The following LYPD6 variants were observed in gnomAD, a reference collection of about 807,000 sequenced individuals.
LYPD6 encodes the protein ly6/PLAUR domain-containing protein 6.
LYPD6 carries 15 observed loss-of-function variants against 22.7 expected under a neutral mutation model. The ratio of observed to expected loss-of-function variants is 0.66; its 90% CI spans 0.44 to 1.02. The LOEUF (loss-of-function observed/expected upper bound fraction) is 1.02. LYPD6 is among the 50% of genes least tolerant of loss of function. LYPD6 has a pLI of 0.00. For missense variants in LYPD6, 189 were observed against 208.4 expected, an observed-to-expected ratio of 0.91 and a Z score of 0.57; for synonymous variants, 72 against 77.5, an observed-to-expected ratio of 0.93 and a Z score of 0.37.
At chr2:149,443,472 T>A (rs56158363) in intron 2 of LYPD6, among the ~76,000 whole-genome samples, 43,660 of 152,066 alleles carry the variant, frequency 0.29, 7,992 homozygotes, top group African/African-American at 0.53. Flanking sequence ...TGAGAAATGC[T>A]GTTCTCTGAC....
intron 3 of LYPD6, among the ~76,000 whole-genome samples, chr2:149,465,731 C>T (rs958248589): frequency 1.3e-5 from 2 of 152,162 alleles, no homozygotes; most frequent in African/African-American, 4.8e-5. Flanking sequence ...ACTTTCAGAA[C>T]GAGATTATGA....
intron 1 of LYPD6, among the ~76,000 whole-genome samples, chr2:149,385,018 T>C (rs1573760096): frequency 6.6e-6 from 1 of 152,108 alleles, no homozygotes; most frequent in African/African-American, 2.4e-5. Flanking sequence ...CTGAGAATGA[T>C]GATTTCCAAT....
chr2:149,446,710 A>T (rs1016637851), intron 2 of LYPD6, among the ~76,000 whole-genome samples: 14 of 152,186 alleles, frequency 9.2e-5, no homozygotes, highest in African/African-American at 2.9e-4. Flanking sequence ...GAGAGAGAGC[A>T]CGCAGATGGG....
chr2:149,352,729 C>T (rs2105060320), intron 1 of LYPD6, among the ~76,000 whole-genome samples: 1 of 152,244 alleles, frequency 6.6e-6, no homozygotes. Flanking sequence ...ATCACTTGTC[C>T]CTCAAAGCCT....
chr2:149,352,151 A>G (rs377315192), intron 1 of LYPD6, among the ~76,000 whole-genome samples: 35 of 152,098 alleles, frequency 2.3e-4, no homozygotes, highest in African/African-American at 8.2e-4. Context: ...GTGTACATGG[A>G]AGAAGAAAAC....
chr2:149,376,397 T>A (rs1213324173), intron 1 of LYPD6, among the ~76,000 whole-genome samples: 1 of 152,168 alleles, frequency 6.6e-6, no homozygotes, highest in Non-Finnish European at 1.5e-5. Context: ...AGAACATTTT[T>A]TTTTTCCATT....
chr2:149,403,929 C>A (rs1682626589), intron 1 of LYPD6, among the ~76,000 whole-genome samples: 2 of 152,148 alleles, frequency 1.3e-5, no homozygotes, highest in South Asian at 4.1e-4. Flanking sequence ...AGGAAGGGAT[C>A]CAGTTTCAGC....
the LYPD6 span, among the ~76,000 whole-genome samples, chr2:149,483,316 A>G: frequency 6.6e-6 from 1 of 152,224 alleles, no homozygotes; most frequent in Non-Finnish European, 1.5e-5. Flanking sequence ...CTGGAGGAAA[A>G]AAAGATGCTG....
chr2:149,442,318 A>G (rs1683586506), intron 2 of LYPD6, among the ~76,000 whole-genome samples: 1 of 152,202 alleles, frequency 6.6e-6, no homozygotes, highest in South Asian at 2.1e-4. Context: ...GATGGAAACA[A>G]AGACTAAATC....
chr2:149,412,125 G>T (rs1227075562), intron 1 of LYPD6, among the ~76,000 whole-genome samples: 1 of 152,004 alleles, frequency 6.6e-6, no homozygotes, highest in Non-Finnish European at 1.5e-5. Context: ...ATGGAATTTT[G>T]GGATTAAAGA....
chr2:149,415,259 G>C (rs1017165999), intron 1 of LYPD6, among the ~76,000 whole-genome samples: 2 of 152,156 alleles, frequency 1.3e-5, no homozygotes, highest in African/African-American at 4.8e-5. Context: ...AACAAATAGG[G>C]AAAGCAGGGC....
rs1292559013 is a variant in LYPD6 at position 149,394,070 on chromosome 2, C to T, written c.-71-43568C>T. ...ATTCGGTCATTAGCTTACACTGTCA[C>T]GTTTCTAGCTGAATGGCAAGAGGAC... is the stretch of plus-strand genomic sequence containing the variant. On this transcript the variant is annotated intron_variant, in intron 1 of 4. Transcript: ENST00000334166. 2.6e-5 allele frequency among the ~76,000 whole-genome samples: 4 copies of T among 152,192 alleles called. No homozygotes were observed. In the East Asian group the frequency reaches 7.7e-4, roughly 29 times the overall value.
chr2:149,408,442 G>A (rs1432655605), intron 1 of LYPD6, among the ~76,000 whole-genome samples: 1 of 152,106 alleles, frequency 6.6e-6, no homozygotes, highest in African/African-American at 2.4e-5. Flanking sequence ...TCTTCTATTT[G>A]AATATCTAGA....
chr2:149,449,162 G>A lies in LYPD6; in HGVS notation c.217+15G>A, dbSNP rs376546983. 7 of 1,592,660 alleles carry A rather than the reference G, an allele frequency of 4.4e-6. No individual in the cohort carries two copies. The highest frequency in any genetic ancestry group is 2.2e-5 in the East Asian group (1 of 44,596). On this transcript the variant is annotated intron_variant, in intron 3 of 4. Transcript: ENST00000334166. ...CTGCCCTCGAGGTAAACTCTCAGTA[G>A]ACTGATTGGGGTCCCCTGGGCTGTC...
intron 1 of LYPD6, among the ~76,000 whole-genome samples, chr2:149,381,643 C>T (rs956336837): frequency 3.9e-5 from 6 of 152,088 alleles, no homozygotes; most frequent in South Asian, 2.1e-4. Context: ...AGTGAGAGCA[C>T]GAGTGGACTA....
chr2:149,411,541 C>T (rs1395845875), intron 1 of LYPD6, among the ~76,000 whole-genome samples: 1 of 152,136 alleles, frequency 6.6e-6, no homozygotes, highest in East Asian at 1.9e-4. Context: ...TATAGGCCTT[C>T]TCAAATCCAT....
chr2:149,451,493 A>T (rs1357454759), intron 3 of LYPD6, among the ~76,000 whole-genome samples: 1 of 152,208 alleles, frequency 6.6e-6, no homozygotes, highest in African/African-American at 2.4e-5. Context: ...AGGAAAAAGG[A>T]ATGTGAACTG....
intron 1 of LYPD6, among the ~76,000 whole-genome samples, chr2:149,360,197 A>C (rs1403168965): frequency 6.6e-6 from 1 of 152,204 alleles, no homozygotes; most frequent in Non-Finnish European, 1.5e-5. Context: ...AGCAGTGAGG[A>C]CGACTGGAGG....
At chr2:149,470,021 T>C (rs1681295024) in intron 4 of LYPD6, among the ~76,000 whole-genome samples, 1 of 152,210 alleles carries the variant, frequency 6.6e-6, no homozygotes, top group African/African-American at 2.4e-5. Flanking sequence ...GATTCTGCAC[T>C]TGTAACAAAC....
Sources: allele counts gnomAD v4.1 joint callset (sites outside exome capture counted in the v4.1 genomes callset), GRCh38; gene constraint gnomAD v4.1.1; transcripts MANE v1.5; gene names NCBI Gene and HGNC (gene_info 2026-07-23, HGNC 2026-07-21).